Variants in CNTN6 observed in about 807,000 individuals in gnomAD.
CNTN6 encodes contactin-6.
CNTN6 carries 137 observed loss-of-function variants against 122.8 expected under a neutral mutation model. The ratio of observed to expected loss-of-function variants is 1.12; its 90% CI spans 0.97 to 1.29. The LOEUF (loss-of-function observed/expected upper bound fraction) is 1.29, where lower values mean the gene tolerates loss of function less well. CNTN6 is among the 50% of genes most tolerant of loss of function. CNTN6 has a pLI of 0.00. For missense variants in CNTN6, 1,634 were observed against 1,223.4 expected, an observed-to-expected ratio of 1.34 and a Z score of -5.01; for synonymous variants, 570 against 426.0, an observed-to-expected ratio of 1.34 and a Z score of -4.16.
chr3:1,377,031 C>T lies in CNTN6; in HGVS notation c.2122C>T (p.His708Tyr), dbSNP rs756815150. The stretch of plus-strand genomic sequence containing the variant: ...CCCTGTTGTGGCACCAGTAAACATC[C>T]ATGGAGGTGGAGGAAGTCGGTCTGA... ...SVPVVAPVNIHGGGGSRSELV... is the reference protein window; with the variant it reads ...SVPVVAPVNIYGGGGSRSELV... Residue 708 changes from histidine to tyrosine, a missense_variant, in exon 17 of 23, where the codon CAT becomes TAT. Physicochemically the swap from His to Tyr is moderately conservative, Grantham distance 83. Coordinates refer to ENST00000446702, the MANE Select transcript of CNTN6 (RefSeq NM_001289080.2). 2.5e-6 allele frequency: 4 copies of T among 1,606,552 alleles called. No individual in the cohort carries two copies. Among genetic ancestry groups the T allele is most frequent in the Non-Finnish European group, 3.4e-6 (4 of 1,176,082 alleles).
Position 1,373,685 on chromosome 3 carries a change from A to T in CNTN6, c.1868A>T (p.Asp623Val). 4 of 1,613,192 alleles carry T rather than the reference A, an allele frequency of 2.5e-6. No individual in the cohort carries two copies. In the East Asian group the frequency reaches 8.9e-5, roughly 36 times the overall value. Reference sequence around the variant, plus strand: ...CAACTAAGTTGGAGAGCAGGCCCAGATAATAACAGTCCCATTCAAATATTT... The same window carrying T: ...CAACTAAGTTGGAGAGCAGGCCCAGTTAATAACAGTCCCATTCAAATATTT... The part of the protein sequence containing the change: ...TSQLSWRAGP[D>V]NNSPIQIFTI... Residue 623 changes from aspartate (D) to valine (V), a missense_variant, in exon 15 of 23, where the codon GAT becomes GTT. By Grantham distance (152) the Asp-to-Val change is radical. Transcript: ENST00000446702.
chr3:1,384,812 C>T lies in CNTN6; in HGVS notation c.2518-799C>T, dbSNP rs867895671. 5.3e-3 allele frequency among the ~76,000 whole-genome samples: 628 copies of T among 118,454 alleles called. 8 individuals carry two copies. The highest frequency in any genetic ancestry group is 0.031 in the East Asian group (134 of 4,314). The allele number at this position is 118,454 out of a possible 152,430, so 77.7% of individuals were successfully genotyped here. On this transcript the variant is annotated intron_variant, in intron 19 of 22. Transcript: ENST00000446702. Reference sequence around the variant, plus strand: ...ATATATATATACACACACACACACACATATATATATATATATATAACCATA... The same window carrying T: ...ATATATATATACACACACACACACATATATATATATATATATATAACCATA...
intron 7 of CNTN6, among the ~76,000 whole-genome samples, chr3:1,313,466 G>T (rs932054184): frequency 3.9e-5 from 6 of 151,984 alleles, no homozygotes; most frequent in Admixed American, 3.3e-4. Context: ...TACTCTCATG[G>T]ATATTTCCTC....
At chr3:1,328,535 A>G (rs888247010) in intron 10 of CNTN6, among the ~76,000 whole-genome samples, 1 of 151,820 alleles carries the variant, frequency 6.6e-6, no homozygotes, top group African/African-American at 2.4e-5. Context: ...AGTGATCTTT[A>G]TCTTCACTCA....
At chr3:1,238,998 G>A (rs907206184) in intron 4 of CNTN6, among the ~76,000 whole-genome samples, 1 of 152,038 alleles carries the variant, frequency 6.6e-6, no homozygotes, top group Non-Finnish European at 1.5e-5. Flanking sequence ...ATTATTGAAG[G>A]CTACTATGAA....
intron 1 of CNTN6, among the ~76,000 whole-genome samples, chr3:1,133,295 T>C (rs1458692448): frequency 6.6e-6 from 1 of 152,184 alleles, no homozygotes; most frequent in Non-Finnish European, 1.5e-5. Context: ...ATTCTTCAAA[T>C]AACTTGATCT....
intron 2 of CNTN6, among the ~76,000 whole-genome samples, chr3:1,151,963 A>C (rs990570902): frequency 1.3e-5 from 2 of 152,216 alleles, no homozygotes; most frequent in African/African-American, 4.8e-5. Context: ...GCCCTGAGTT[A>C]CTGAAAAATC....
intron 1 of CNTN6, among the ~76,000 whole-genome samples, chr3:1,128,564 G>A (rs982417772): frequency 7.9e-5 from 12 of 151,974 alleles, no homozygotes; most frequent in African/African-American, 2.9e-4. Context: ...CAACACTTAA[G>A]TATATAAATC....
chr3:1,379,643 A>T (rs1710372167), intron 17 of CNTN6, among the ~76,000 whole-genome samples: 1 of 152,120 alleles, frequency 6.6e-6, no homozygotes, highest in South Asian at 2.1e-4. Context: ...CCTATTTTTA[A>T]AAATTAAACT....
At chr3:1,165,430 C>G (rs1187011121) in intron 2 of CNTN6, among the ~76,000 whole-genome samples, 1 of 152,096 alleles carries the variant, frequency 6.6e-6, no homozygotes, top group Non-Finnish European at 1.5e-5. Flanking sequence ...CAAGTGCTGT[C>G]CCTTTGCTGC....
intron 7 of CNTN6, among the ~76,000 whole-genome samples, chr3:1,301,673 A>G (rs1187447099): frequency 2.0e-5 from 3 of 152,224 alleles, no homozygotes; most frequent in Non-Finnish European, 4.4e-5. Context: ...AGGCATTAAT[A>G]TAGAATTGAA....
intron 4 of CNTN6, among the ~76,000 whole-genome samples, chr3:1,228,925 A>G (rs1157006291): frequency 6.8e-6 from 1 of 146,468 alleles, no homozygotes; most frequent in East Asian, 2.0e-4. Context: ...TTGTGTTCCA[A>G]AGATTATTCT....
At chr3:1,121,701 A>T (rs1195416088) in intron 1 of CNTN6, among the ~76,000 whole-genome samples, 1 of 151,890 alleles carries the variant, frequency 6.6e-6, no homozygotes, top group Admixed American at 6.6e-5. Flanking sequence ...GTTGCTACAC[A>T]GCCTTCATAT....
chr3:1,134,132 C>T (rs1251772847), intron 1 of CNTN6, among the ~76,000 whole-genome samples: 1 of 152,146 alleles, frequency 6.6e-6, no homozygotes, highest in Non-Finnish European at 1.5e-5. Flanking sequence ...CCCGATCGAC[C>T]ATATAACGTC....
intron 1 of CNTN6, among the ~76,000 whole-genome samples, chr3:1,133,666 A>G (rs942668943): frequency 6.6e-6 from 1 of 152,164 alleles, no homozygotes; most frequent in Non-Finnish European, 1.5e-5. Context: ...TCCTACAGAC[A>G]TGGGTAGACT....
At chr3:1,296,512 T>C (rs1350312615) in intron 6 of CNTN6, among the ~76,000 whole-genome samples, 3 of 152,184 alleles carry the variant, frequency 2.0e-5, no homozygotes, top group South Asian at 2.1e-4. Context: ...GTGGGATTCA[T>C]ACAGGTAGAA....
chr3:1,267,073 G>T (rs907460096), intron 4 of CNTN6, among the ~76,000 whole-genome samples: 1 of 146,548 alleles, frequency 6.8e-6, no homozygotes, highest in African/African-American at 2.5e-5. Context: ...ACACTGCCAC[G>T]CCCCACTAAT....
At chr3:1,244,704 G>T (rs919577430) in intron 4 of CNTN6, among the ~76,000 whole-genome samples, 13 of 152,116 alleles carry the variant, frequency 8.5e-5, no homozygotes, top group Non-Finnish European at 1.6e-4. Flanking sequence ...GTGCAGGTGG[G>T]CTGAGTCCGA....
chr3:1,300,449 CAGGA>C (rs72054486), intron 7 of CNTN6, among the ~76,000 whole-genome samples: 7,188 of 114,346 alleles, frequency 0.063, 256 homozygotes, highest in African/African-American at 0.14. Context: ...AGGGTCAGTT[CAGGA>C]AGGAAGGAAG....
Sources: gnomAD v4.1 joint callset for allele counts (sites outside exome capture counted in the v4.1 genomes callset) on GRCh38, gnomAD v4.1.1 for gene constraint, MANE v1.5 for transcripts, NCBI Gene and HGNC (gene_info 2026-07-23, HGNC 2026-07-21) for gene names.